PRKCB: variants seen among roughly 807,000 people sequenced by gnomAD.
PRKCB encodes the protein protein kinase C beta.
In PRKCB, 13 loss-of-function variants were observed where a neutral mutation model predicts 81.5. The observed-to-expected ratio is 0.16, with a 90% CI of 0.10 to 0.25. PRKCB has a LOEUF of 0.25. PRKCB is among the 10% of genes least tolerant of loss of function. The pLI is 1.00. For missense variants in PRKCB, 509 were observed against 875.7 expected, an observed-to-expected ratio of 0.58 and a Z score of 5.29; for synonymous variants, 335 against 321.4, an observed-to-expected ratio of 1.04 and a Z score of -0.45.
At chr16:24,191,639 GT>G (rs1967795597) in intron 16 of PRKCB, 1 of 158,110 alleles carries the variant, frequency 6.3e-6, no homozygotes, top group African/African-American at 2.4e-5. Flanking sequence ...AGGTCATGTT[GT>G]TTATCTCAAC....
chr16:23,844,062 C>G (rs755700657), intron 2 of PRKCB, among the ~76,000 whole-genome samples: 1 of 152,186 alleles, frequency 6.6e-6, no homozygotes, highest in African/African-American at 2.4e-5. Flanking sequence ...AGATACAGGT[C>G]ATTAAATTAC....
intron 2 of PRKCB, among the ~76,000 whole-genome samples, chr16:23,946,371 A>G (rs769480656): frequency 2.0e-4 from 30 of 152,226 alleles, no homozygotes; most frequent in Admixed American, 1.3e-3. Flanking sequence ...CTGAAGGTAC[A>G]GCTGGTATGA....
At position 23,836,072 on chromosome 16, in the gene PRKCB, G is replaced by T. The variant is rs1197016511; in HGVS notation, c.-104G>T. The T allele has an allele frequency of 1.6e-5, 14 of 854,072 alleles. No homozygotes were observed. The highest frequency in any genetic ancestry group is 2.0e-5 in the Non-Finnish European group (14 of 709,890). The allele number at this position is 854,072 out of a possible 1,614,324, so 52.9% of individuals were successfully genotyped here. ...GCGCAGGGGAAGCGCCCGCGGCCCC[G>T]GGTGCAGCAGCGGCCGCCGCCTCCC... On this transcript the variant is annotated 5_prime_UTR_variant, in exon 1 of 17. Coordinates refer to ENST00000643927, the MANE Select transcript of PRKCB (RefSeq NM_002738.7).
chr16:24,186,956 G>A (rs1967712455), intron 15 of PRKCB, among the ~76,000 whole-genome samples: 1 of 151,802 alleles, frequency 6.6e-6, no homozygotes, highest in Non-Finnish European at 1.5e-5. Context: ...AGAAAGTGAA[G>A]AATAGAGAGG....
intron 2 of PRKCB, among the ~76,000 whole-genome samples, chr16:23,879,717 C>T (rs1487180799): frequency 6.6e-6 from 1 of 152,092 alleles, no homozygotes; most frequent in Non-Finnish European, 1.5e-5. Flanking sequence ...TGGTCTCGAG[C>T]TCCTGACCTC....
intron 16 of PRKCB, among the ~76,000 whole-genome samples, chr16:24,200,783 T>G (rs1286019295): frequency 6.6e-6 from 1 of 152,220 alleles, no homozygotes; most frequent in East Asian, 1.9e-4. Flanking sequence ...ATAATGTTGT[T>G]AAGTTCTCAT....
At position 24,215,457 on chromosome 16, in the gene PRKCB, T is replaced by C; in HGVS notation, c.*641T>C. 3 of 985,874 alleles carry C rather than the reference T, an allele frequency of 3.0e-6. No homozygotes were observed. Among genetic ancestry groups the C allele is most frequent in the Non-Finnish European group, 3.6e-6 (3 of 829,962 alleles). 61.1% of individuals were successfully genotyped at this position (985,874 alleles called of 1,614,324 possible). On this transcript the variant is annotated 3_prime_UTR_variant, in exon 17 of 17. Coordinates refer to ENST00000643927, the MANE Select transcript of PRKCB (RefSeq NM_002738.7). ...AACCAGCTTGGGTGCTACCTCAGTGTTGTAGTTTCTGATACTTTATGTCTT... is the reference window on the plus strand; with the variant it reads ...AACCAGCTTGGGTGCTACCTCAGTGCTGTAGTTTCTGATACTTTATGTCTT...
At chr16:24,147,263 G>A (rs1353654886) in intron 9 of PRKCB, among the ~76,000 whole-genome samples, 1 of 145,022 alleles carries the variant, frequency 6.9e-6, no homozygotes, top group Non-Finnish European at 1.5e-5. Flanking sequence ...AGCCGAGATC[G>A]CACCACTGCA....
intron 5 of PRKCB, among the ~76,000 whole-genome samples, chr16:24,068,779 T>C (rs1966072420): frequency 6.6e-6 from 1 of 152,192 alleles, no homozygotes; most frequent in African/African-American, 2.4e-5. Context: ...TTTGTTTGGT[T>C]CAGAAAATTA....
chr16:24,012,356 G>A (rs535449437), intron 3 of PRKCB, among the ~76,000 whole-genome samples: 2 of 152,292 alleles, frequency 1.3e-5, no homozygotes, highest in South Asian at 2.1e-4. Context: ...TGACTTGCCA[G>A]GTCACATAAC....
chr16:24,063,326 A>C, intron 5 of PRKCB, among the ~76,000 whole-genome samples: 1 of 145,168 alleles, frequency 6.9e-6, no homozygotes, highest in Non-Finnish European at 1.5e-5. Context: ...ATGGAGTCTC[A>C]CTCTGTTGCC....
At chr16:24,047,352 TAAATAAAATA>T (rs1555493042) in intron 5 of PRKCB, among the ~76,000 whole-genome samples, 4 of 151,128 alleles carry the variant, frequency 2.6e-5, no homozygotes, top group African/African-American at 9.7e-5. Flanking sequence ...AAAAAATAAA[TAAATAAAATA>T]AAATAAAATA....
intron 16 of PRKCB, among the ~76,000 whole-genome samples, chr16:24,213,285 C>T (rs1227409241): frequency 1.3e-5 from 2 of 151,968 alleles, no homozygotes. Context: ...CACCCGCCTC[C>T]TCCTCCCAAA....
intron 3 of PRKCB, among the ~76,000 whole-genome samples, chr16:23,995,248 C>T (rs1964939515): frequency 6.6e-6 from 1 of 152,112 alleles, no homozygotes; most frequent in African/African-American, 2.4e-5. Flanking sequence ...GGCCTACTTA[C>T]CAAGGGGCCC....
intron 3 of PRKCB, among the ~76,000 whole-genome samples, chr16:23,991,756 T>C (rs964189798): frequency 4.6e-5 from 7 of 152,224 alleles, no homozygotes; most frequent in African/African-American, 1.4e-4. Context: ...TTGTCTCCTA[T>C]GCGAGCATGG....
Position 24,092,691 on chromosome 16 carries a change from T to G in PRKCB, c.530-100T>G. ...AAAATTAAATTTCTCACTAAACAAG[T>G]GTGATGCCAAAGAACCTTCCACAAG... On this transcript the variant is annotated intron_variant, in intron 5 of 16. Coordinates refer to ENST00000643927, the MANE Select transcript of PRKCB (RefSeq NM_002738.7). 1.7e-6 allele frequency: 2 copies of G among 1,163,122 alleles called. 1 individual carries two copies. The allele number at this position is 1,163,122 out of a possible 1,614,324, so 72.1% of individuals were successfully genotyped here. A position where few individuals can be genotyped will look rare whatever the true frequency, so the allele number is the denominator to read the frequency against.
chr16:24,169,119 A>T (rs1172403026), intron 10 of PRKCB, among the ~76,000 whole-genome samples: 1 of 151,984 alleles, frequency 6.6e-6, no homozygotes, highest in Admixed American at 6.6e-5. Context: ...AGGCTCAGGG[A>T]TGTAAAATGG....
intron 2 of PRKCB, among the ~76,000 whole-genome samples, chr16:23,913,142 C>T (rs574499857): frequency 1.5e-4 from 23 of 152,228 alleles, no homozygotes; most frequent in African/African-American, 3.9e-4. Context: ...GGACACCAGG[C>T]AGCCCTGGGA....
chr16:24,090,565 T>C (rs1966364028), intron 5 of PRKCB, among the ~76,000 whole-genome samples: 1 of 152,058 alleles, frequency 6.6e-6, no homozygotes, highest in African/African-American at 2.4e-5. Context: ...GTAGCTAAAA[T>C]GCACCATAAA....
Sources: gnomAD v4.1 joint callset for allele counts (sites outside exome capture counted in the v4.1 genomes callset) on GRCh38, gnomAD v4.1.1 for gene constraint, MANE v1.5 for transcripts, NCBI Gene and HGNC (gene_info 2026-07-23, HGNC 2026-07-21) for gene names.